SERPIND1: variants seen among roughly 807,000 people sequenced by gnomAD.
The protein encoded by SERPIND1 is serpin family D member 1.
A neutral mutation model predicts 35.0 loss-of-function variants in SERPIND1; 34 were observed. The observed-to-expected ratio is 0.97, with a 90% CI of 0.74 to 1.29. The LOEUF (loss-of-function observed/expected upper bound fraction) is 1.29, where lower values mean the gene tolerates loss of function less well. SERPIND1 is among the 50% of genes most tolerant of loss of function. SERPIND1 has a pLI of 0.00. For synonymous variants in SERPIND1, 236 were observed against 241.1 expected (o/e 0.98, Z 0.19); for missense variants, 633 against 637.7 (o/e 0.99, Z 0.08).
In SERPIND1 at chr22:20,779,529, G is replaced by C. The variant is rs139053306; in HGVS notation, c.217G>C (p.Gly73Arg). 14 of 1,613,866 alleles carry C rather than the reference G, an allele frequency of 8.7e-6. No individual in the cohort carries two copies. In the South Asian group the frequency reaches 1.2e-4, roughly 14 times the overall value. ...NTVTNDWIPEGEEDDDYLDLE... is the reference protein window; with the variant it reads ...NTVTNDWIPEREEDDDYLDLE... ...CGTCACCAACGACTGGATTCCAGAG[G>C]GGGAGGAGGACGACGACTATCTGGA... Residue 73 changes from glycine (G) to arginine (R), a missense_variant, in exon 2 of 5, where the codon GGG becomes CGG. Gly to Arg is a moderately radical substitution (Grantham distance 125, BLOSUM62 -2). Coordinates refer to ENST00000215727, the MANE Select transcript of SERPIND1 (RefSeq NM_000185.4).
chr22:20,781,448 T>C (rs941285624), intron 2 of SERPIND1, among the ~76,000 whole-genome samples: 3 of 152,212 alleles, frequency 2.0e-5, no homozygotes, highest in Admixed American at 1.3e-4. Context: ...CGTGGTTTTA[T>C]AGCAGCCCAG....
chr22:20,786,249 C>A, intron 4 of SERPIND1, 101 bp downstream of exon 4: 3 of 1,315,362 alleles, frequency 2.3e-6, no homozygotes, highest in East Asian at 2.3e-5. Flanking sequence ...TCTCATGTCC[C>A]AGCTTGGGGT....
chr22:20,774,331 T>C (rs1042700792), intron 1 of SERPIND1, among the ~76,000 whole-genome samples, 186 bp downstream of exon 1: 1 of 152,146 alleles, frequency 6.6e-6, no homozygotes, highest in Non-Finnish European at 1.5e-5. Flanking sequence ...GTTGGGAGAG[T>C]TGACAAACTT....
intron 3 of SERPIND1, among the ~76,000 whole-genome samples, chr22:20,784,795 G>A (rs780088131): frequency 2.6e-5 from 4 of 152,094 alleles, no homozygotes; most frequent in Non-Finnish European, 4.4e-5. Flanking sequence ...ATTATTATTG[G>A]GTCATGGCAG....
rs149960029 is a variant in SERPIND1, at chr22:20,774,622, G to C, written c.-17+477G>C. ...CTAAAAATACAAAAATTAGCTGGGC[G>C]TGGTGGCACGCGCCTGTAATCCCAG... On this transcript the variant is annotated intron_variant, in intron 1 of 4. Coordinates refer to ENST00000215727, the MANE Select transcript of SERPIND1 (RefSeq NM_000185.4). 2.6e-5 allele frequency among the ~76,000 whole-genome samples: 4 copies of C among 152,164 alleles called. No homozygotes were observed. In the East Asian group the frequency reaches 7.7e-4, roughly 29 times the overall value.
chr22:20,785,464 T>C (rs1934145317), intron 3 of SERPIND1, among the ~76,000 whole-genome samples: 2 of 152,180 alleles, frequency 1.3e-5, no homozygotes, highest in South Asian at 4.1e-4. Flanking sequence ...CCAGCTGGGA[T>C]TGCACCTTAA....
Position 20,775,941 on chromosome 22 carries a change from G to A in SERPIND1, c.-17+1796G>A, listed in dbSNP as rs79263600. Among the ~76,000 whole-genome samples, 450 of 152,324 alleles carry A rather than the reference G, an allele frequency of 3.0e-3. 2 individuals are homozygous for A. Among genetic ancestry groups the A allele is most frequent in the African/African-American group, 0.01 (423 of 41,564 alleles). On this transcript the variant is annotated intron_variant, in intron 1 of 4. Coordinates refer to ENST00000215727, the MANE Select transcript of SERPIND1 (RefSeq NM_000185.4). ...CTATTGATACACAGTCTCCTGATAT[G>A]TAAAATGCTGGGAGGATGAAGCTAA...
rs141722705 is a variant in SERPIND1 at position 20,785,922 on chromosome 22, G to A, written c.1164-82G>A. 9.6e-4 allele frequency: 1,503 copies of A among 1,563,552 alleles called. 10 individuals are homozygous for A. The African/African-American group carries it at 0.014, about 15-fold the overall frequency. ...ATCAATTCTGTGATAAATATAACCC[G>A]TGGCCCTTTAAAGGGAAAATCATGA... is the stretch of plus-strand genomic sequence containing the variant. On this transcript the variant is annotated intron_variant, in intron 3 of 4. Transcript: ENST00000215727.
At position 20,779,924 on chromosome 22, in the gene SERPIND1, G is replaced by A. The variant is rs1380552059; in HGVS notation, c.612G>A (p.Lys204=). 6.2e-7 allele frequency: 1 copy of A among 1,614,214 alleles called. No homozygotes were observed. Among genetic ancestry groups the A allele is most frequent in the South Asian group, 1.1e-5 (1 of 91,088 alleles). Residue 204 remains lysine, a synonymous_variant, in exon 2 of 5, where the codon AAG becomes AAA. Transcript: ENST00000215727. ...CGACCATTCATAATCTCTTCCGTAA[G>A]CTGACTCATCGCCTCTTCAGGAGGA... ...EITTIHNLFR[K]LTHRLFRRNF... is the part of the protein sequence containing the mutation.
chr22:20,777,044 T>G lies in SERPIND1; in HGVS notation c.-16-2253T>G, dbSNP rs201962499. Among the ~76,000 whole-genome samples the G allele has an allele frequency of 5.8e-3, 231 of 39,506 alleles. 1 individual carries two copies. The highest frequency in any genetic ancestry group is 0.027 in the African/African-American group (193 of 7,160). The allele number at this position is 39,506 out of a possible 152,430, so 25.9% of individuals were successfully genotyped here. ...CTTAACAAAAGGCAGTTTTTTTTTG[T>G]TTTTTTTTTGTTTTCTGTTTTTTGA... On this transcript the variant is annotated intron_variant, in intron 1 of 4. Transcript: ENST00000215727.
intron 1 of SERPIND1, among the ~76,000 whole-genome samples, chr22:20,775,329 T>C (rs531227812): frequency 1.3e-5 from 2 of 152,242 alleles, no homozygotes; most frequent in Non-Finnish European, 2.9e-5. Context: ...TTATACTAAA[T>C]AGCAAAACAT....
At chr22:20,777,814 G>A (rs1933424088) in intron 1 of SERPIND1, among the ~76,000 whole-genome samples, 1 of 152,156 alleles carries the variant, frequency 6.6e-6, no homozygotes, top group South Asian at 2.1e-4. Flanking sequence ...GAAAGACAAA[G>A]GATTTGGCAG....
At chr22:20,775,417 G>C (rs951262003) in intron 1 of SERPIND1, among the ~76,000 whole-genome samples, 2 of 152,150 alleles carry the variant, frequency 1.3e-5, no homozygotes, top group African/African-American at 2.4e-5. Flanking sequence ...TCTGGTAAGG[G>C]AATGACGAAA....
intron 1 of SERPIND1, among the ~76,000 whole-genome samples, chr22:20,778,498 C>T (rs184337218): frequency 6.0e-4 from 91 of 152,134 alleles, no homozygotes; most frequent in African/African-American, 2.0e-3. Context: ...AGTGAGACTC[C>T]ATTTCAAAAA....
chr22:20,779,529 G>T lies in SERPIND1; in HGVS notation c.217G>T (p.Gly73Trp), dbSNP rs139053306. The T allele has an allele frequency of 5.6e-6, 9 of 1,613,866 alleles. No individual in the cohort carries two copies. Among genetic ancestry groups the T allele is most frequent in the South Asian group, 3.3e-5 (3 of 91,094 alleles). ...NTVTNDWIPE[G>W]EEDDDYLDLE... ...CGTCACCAACGACTGGATTCCAGAG[G>T]GGGAGGAGGACGACGACTATCTGGA... Residue 73 changes from glycine to tryptophan, a missense_variant, in exon 2 of 5, where the codon GGG (glycine) becomes TGG (tryptophan). Gly to Trp is a radical substitution (Grantham distance 184). Transcript: ENST00000215727.
In SERPIND1 at chr22:20,780,115, A is replaced by G. The variant is rs1432986745; in HGVS notation, c.803A>G (p.Lys268Arg). Residue 268 changes from lysine to arginine, a missense_variant, in exon 2 of 5, where the codon AAG becomes AGG. Lys to Arg is a conservative substitution (Grantham distance 26, BLOSUM62 2). Coordinates refer to ENST00000215727, the MANE Select transcript of SERPIND1 (RefSeq NM_000185.4). ...TCAAAAACCAACAACCACATCATGA[A>G]GCTCACCAAGGGCCTCATAAAAGAT... ...FISKTNNHIM[K>R]LTKGLIKDAL... 12 of 1,614,094 alleles carry G rather than the reference A, an allele frequency of 7.4e-6. No individual in the cohort carries two copies. The highest frequency in any genetic ancestry group is 1.1e-5 in the South Asian group (1 of 91,090).
At chr22:20,774,999 T>C (rs1205309344) in intron 1 of SERPIND1, among the ~76,000 whole-genome samples, 1 of 152,104 alleles carries the variant, frequency 6.6e-6, no homozygotes, top group Non-Finnish European at 1.5e-5. Context: ...TTTTTGGAAG[T>C]TTGAACTTAC....
In SERPIND1 at chr22:20,786,079, G is replaced by A; in HGVS notation, c.1239G>A (p.Gly413=). 3.7e-6 allele frequency: 6 copies of A among 1,614,102 alleles called. No individual in the cohort carries two copies. Among genetic ancestry groups the A allele is most frequent in the Non-Finnish European group, 5.1e-6 (6 of 1,180,034 alleles). ...YNLVESLKLM[G]IRMLFDKNGN... ...TAGTGGAGTCCCTGAAGTTGATGGGGATCAGGATGCTGTTTGACAAAAATG... is the reference window on the plus strand; with the variant it reads ...TAGTGGAGTCCCTGAAGTTGATGGGAATCAGGATGCTGTTTGACAAAAATG... The change falls in exon 4 of 5, where the codon GGG becomes GGA. Residue 413 remains glycine, a synonymous_variant. Coordinates refer to ENST00000215727, the MANE Select transcript of SERPIND1 (RefSeq NM_000185.4).
rs1427347142 is a variant in SERPIND1 at position 20,779,472 on chromosome 22, C to G, written c.160C>G (p.Leu54Val). ...AAATAACAAAAACCTGAGCATGCCTCTTCTCCCTGCCGACTTCCACAAGGA... is the reference window on the plus strand; with the variant it reads ...AAATAACAAAAACCTGAGCATGCCTGTTCTCCCTGCCGACTTCCACAAGGA... The part of the protein sequence containing the change: ...QLNNKNLSMP[L>V]LPADFHKENT... Residue 54 changes from leucine to valine, a missense_variant, in exon 2 of 5, where the codon CTT becomes GTT. Transcript: ENST00000215727. 6.2e-7 allele frequency: 1 copy of G among 1,614,182 alleles called. No homozygotes were observed. The highest frequency in any genetic ancestry group is 1.3e-5 in the African/African-American group (1 of 75,076).
Sources: gnomAD v4.1 joint callset for allele counts (sites outside exome capture counted in the v4.1 genomes callset) on GRCh38, gnomAD v4.1.1 for gene constraint, MANE v1.5 for transcripts, NCBI Gene and HGNC (gene_info 2026-07-23, HGNC 2026-07-21) for gene names.